Variants in DLGAP2 observed in about 807,000 individuals in gnomAD.
DLGAP2 encodes disks large-associated protein 2.
Under a neutral mutation model 100.3 loss-of-function variants are expected in DLGAP2, and 26 were observed. That is an observed-to-expected ratio of 0.26 (90% CI 0.19 to 0.36). The LOEUF (loss-of-function observed/expected upper bound fraction) is 0.36. Ranked by LOEUF, DLGAP2 falls within the 10% of genes least tolerant of loss-of-function variation. DLGAP2 has a pLI of 1.00. For missense variants in DLGAP2, 1,858 were observed against 1,453.2 expected, an observed-to-expected ratio of 1.28 and a Z score of -4.53; for synonymous variants, 886 against 630.1, an observed-to-expected ratio of 1.41 and a Z score of -6.08.
intron 2 of DLGAP2, among the ~76,000 whole-genome samples, chr8:1,058,513 A>T (rs1180932981): frequency 6.6e-6 from 1 of 152,230 alleles, no homozygotes; most frequent in Non-Finnish European, 1.5e-5. Flanking sequence ...TCGAGGGGCC[A>T]TGCAACAACG....
At chr8:1,581,460 A>T (rs1384994796) in intron 6 of DLGAP2, among the ~76,000 whole-genome samples, 2 of 151,716 alleles carry the variant, frequency 1.3e-5, no homozygotes, top group Non-Finnish European at 2.9e-5. Context: ...AAGGATACAG[A>T]CAAAACTCCA....
chr8:1,549,069 G>T lies in DLGAP2; in HGVS notation c.616G>T (p.Gly206Cys). The change falls in exon 5 of 15, where the codon GGC becomes TGC. Residue 206 changes from glycine to cysteine, a missense_variant. Gly to Cys is a radical substitution (Grantham distance 159, BLOSUM62 -3). Coordinates refer to ENST00000637795, the MANE Select transcript of DLGAP2 (RefSeq NM_001346810.2). ...GAAGCAGCTGCCGCTGCACCGGGAC[G>T]GCTTCCACACGCTGCAGTACCAGAG... ...FEKQLPLHRD[G>C]FHTLQYQRTS... 1 of 1,589,068 alleles carries T rather than the reference G, an allele frequency of 6.3e-7. No homozygotes were observed.
rs571358105 is a variant in DLGAP2, at chr8:879,468, G to T, written c.19-28444G>T. On this transcript the variant is annotated intron_variant, in intron 1 of 14. Transcript: ENST00000637795. ...GTGGGGGTGTTGAGCGCTAGGCTCA[G>T]TTTGTCCTGTGAAGGCATCTTTCTG... is the stretch of plus-strand genomic sequence containing the variant. Among the ~76,000 whole-genome samples the T allele has an allele frequency of 2.0e-5, 3 of 152,208 alleles. No individual in the cohort carries two copies. The South Asian group carries it at 6.2e-4, about 32-fold the overall frequency.
At chr8:1,662,062 G>A (rs754809825) in intron 8 of DLGAP2, among the ~76,000 whole-genome samples, 27 of 152,340 alleles carry the variant, frequency 1.8e-4, no homozygotes, top group African/African-American at 5.5e-4. Flanking sequence ...CAGGGCTGCC[G>A]CAAAGGGTCT....
chr8:1,243,264 G>A (rs752971741), intron 2 of DLGAP2, among the ~76,000 whole-genome samples: 7 of 152,184 alleles, frequency 4.6e-5, no homozygotes, highest in Non-Finnish European at 8.8e-5. Context: ...AGCTCCTCAA[G>A]GGAAGGGGCT....
At chr8:1,200,242 C>T (rs1288462127) in intron 2 of DLGAP2, among the ~76,000 whole-genome samples, 1 of 152,218 alleles carries the variant, frequency 6.6e-6, no homozygotes, top group Non-Finnish European at 1.5e-5. Flanking sequence ...GTCTTTTCCT[C>T]ACTGCCTCTT....
intron 2 of DLGAP2, among the ~76,000 whole-genome samples, chr8:1,132,556 C>G (rs538830927): frequency 1.3e-5 from 2 of 152,342 alleles, no homozygotes; most frequent in South Asian, 2.1e-4. Context: ...TATGTGTACA[C>G]CTTGATATAG....
At chr8:1,440,969 T>A (rs1323972360) in intron 3 of DLGAP2, among the ~76,000 whole-genome samples, 7 of 152,196 alleles carry the variant, frequency 4.6e-5, no homozygotes, top group Admixed American at 3.3e-4. Flanking sequence ...TAAGTCTACA[T>A]GAAACCCTCC....
chr8:1,173,062 G>A (rs1185252626), intron 2 of DLGAP2, among the ~76,000 whole-genome samples: 2 of 152,140 alleles, frequency 1.3e-5, no homozygotes, highest in African/African-American at 4.8e-5. Flanking sequence ...GGTTTTTGGT[G>A]TGGATGTCCT....
At chr8:1,631,203 C>A (rs1208447270) in intron 7 of DLGAP2, among the ~76,000 whole-genome samples, 1 of 152,016 alleles carries the variant, frequency 6.6e-6, no homozygotes, top group African/African-American at 2.4e-5. Context: ...TAGCTGGAAG[C>A]ATAGCCGAGG....
At chr8:927,517 G>C (rs533520425) in intron 2 of DLGAP2, among the ~76,000 whole-genome samples, 1 of 152,162 alleles carries the variant, frequency 6.6e-6, no homozygotes, top group Non-Finnish European at 1.5e-5. Flanking sequence ...AAAGTCCTCC[G>C]CGTGTGTCCC....
intron 7 of DLGAP2, 74 bp from the exon 8 acceptor site, chr8:1,632,753 C>G (rs1797678090): frequency 1.4e-6 from 2 of 1,445,948 alleles, no homozygotes; most frequent in Non-Finnish European, 1.9e-6. Context: ...AATGAGCGCG[C>G]TCTCCTGGCT....
At position 1,258,994 on chromosome 8, in the gene DLGAP2, A is replaced by G. The variant is rs77306807; in HGVS notation, c.106+111A>G. ...TTGGAGAGAACCTTGAACATTGAGG[A>G]CGCAGTCTGTGTGCTGTTTGATAGG... On this transcript the variant is annotated intron_variant, in intron 3 of 14. Coordinates refer to ENST00000637795, the MANE Select transcript of DLGAP2 (RefSeq NM_001346810.2). The G allele has an allele frequency of 3.1e-3, 2,891 of 937,484 alleles. 71 individuals are homozygous for G. The East Asian group carries it at 0.06, about 19-fold the overall frequency. The allele number at this position is 937,484 out of a possible 1,614,324, so 58.1% of individuals were successfully genotyped here.
chr8:886,665 A>G (rs1418638245), intron 1 of DLGAP2, among the ~76,000 whole-genome samples: 1 of 152,168 alleles, frequency 6.6e-6, no homozygotes, highest in Non-Finnish European at 1.5e-5. Context: ...TTCAATTTCC[A>G]TGAGATTGTG....
At chr8:1,129,637 C>T (rs954366349) in intron 2 of DLGAP2, among the ~76,000 whole-genome samples, 2 of 152,130 alleles carry the variant, frequency 1.3e-5, no homozygotes, top group Admixed American at 1.3e-4. Context: ...GTGACTCCTG[C>T]TGTCTTGGTT....
chr8:1,425,250 G>T (rs906522635), intron 3 of DLGAP2, among the ~76,000 whole-genome samples: 8 of 152,164 alleles, frequency 5.3e-5, no homozygotes, highest in African/African-American at 1.7e-4. Flanking sequence ...GAAAATATCT[G>T]TCTGTATTTT....
intron 2 of DLGAP2, among the ~76,000 whole-genome samples, chr8:961,777 G>A (rs922526417): frequency 2.0e-5 from 3 of 152,128 alleles, no homozygotes; most frequent in Admixed American, 6.5e-5. Context: ...AAAGTTATAC[G>A]TTTGTGTAAA....
intron 1 of DLGAP2, among the ~76,000 whole-genome samples, chr8:808,666 G>A (rs1216279177): frequency 1.3e-5 from 2 of 152,220 alleles, no homozygotes; most frequent in Non-Finnish European, 2.9e-5. Context: ...AGGGTGGACG[G>A]TAGTGCTGAG....
chr8:902,046 C>T (rs565882797), intron 1 of DLGAP2, among the ~76,000 whole-genome samples: 16 of 152,146 alleles, frequency 1.1e-4, no homozygotes, highest in Non-Finnish European at 1.9e-4. Flanking sequence ...CCATGGTCAT[C>T]GGAACCGAGG....
Sources: gnomAD v4.1 joint callset for allele counts (sites outside exome capture counted in the v4.1 genomes callset) on GRCh38, gnomAD v4.1.1 for gene constraint, MANE v1.5 for transcripts, NCBI Gene and HGNC (gene_info 2026-07-23, HGNC 2026-07-21) for gene names.